The following RC3H1 variants were observed in gnomAD, a reference collection of about 807,000 sequenced individuals.
RC3H1 encodes ring finger and CCCH-type domains 1.
Under a neutral mutation model 138.2 loss-of-function variants are expected in RC3H1, and 50 were observed. The ratio of observed to expected loss-of-function variants is 0.36; its 90% CI spans 0.29 to 0.46. The LOEUF (loss-of-function observed/expected upper bound fraction) is 0.46. RC3H1 is among the 20% of genes least tolerant of loss of function. The probability of loss-of-function intolerance (pLI) is 1.00; values close to 1 mark genes in which losing one functional copy is unlikely to be tolerated. For synonymous variants in RC3H1, 462 were observed against 489.1 expected (o/e 0.94, Z 0.73); for missense variants, 1,031 against 1,388.1 (o/e 0.74, Z 4.09).
intron 1 of RC3H1, among the ~76,000 whole-genome samples, chr1:174,003,077 C>T (rs1052519270): frequency 2.0e-5 from 3 of 152,128 alleles, no homozygotes; most frequent in Non-Finnish European, 4.4e-5. Context: ...GAGTGACATA[C>T]CAATTACTGT....
rs1439549037 is a variant in RC3H1 at position 173,984,590 on chromosome 1, A to G, written c.261T>C (p.Cys87=). 2.5e-6 allele frequency: 4 copies of G among 1,613,842 alleles called. No individual in the cohort carries two copies. Among genetic ancestry groups the G allele is most frequent in the Non-Finnish European group, 3.4e-6 (4 of 1,179,898 alleles). ...AATGCTTTGTGTCTTCAACCCCACT[A>G]CACAAAGTAATAGGCTGCTGCTCAG... The part of the protein sequence containing the change: ...QVPEQQPITL[C]SGVEDTKHYE... Residue 87 remains cysteine (C), a synonymous_variant, in exon 3 of 20, where the codon TGT becomes TGC. Coordinates refer to ENST00000367696, the MANE Select transcript of RC3H1 (RefSeq NM_172071.4).
At chr1:173,970,388 C>T in intron 9 of RC3H1, 117 bp downstream of exon 9, 1 of 744,270 alleles carries the variant, frequency 1.3e-6, no homozygotes, top group South Asian at 1.6e-5. Context: ...AGCTGTGTTA[C>T]ATTCTAAAAA....
In RC3H1 at chr1:173,946,537, C is replaced by T. The variant is rs767940629; in HGVS notation, c.2900G>A (p.Arg967Gln). Reference protein sequence around the residue: ...PLPSAEREQLRLELQQLNHQI... With the variant: ...PLPSAEREQLQLELQQLNHQI... ...ATGGTTCAATTGCTGCAATTCTAGT[C>T]GTAGCTGTTCTCTCTCAGCAGATGG... is the stretch of plus-strand genomic sequence containing the variant. The change falls in exon 17 of 20, where the codon CGA (arginine) becomes CAA (glutamine). Residue 967 changes from arginine (R) to glutamine (Q), a missense_variant. By Grantham distance (43) the Arg-to-Gln change is conservative. Around this residue, in one of 7 missense-constraint regions of RC3H1, gnomAD observed 716 missense variants for 837.9 expected, o/e 0.85. Transcript: ENST00000367696. 14 of 1,613,990 alleles carry T rather than the reference C, an allele frequency of 8.7e-6. No individual in the cohort carries two copies. The Admixed American group carries it at 1.2e-4, about 13-fold the overall frequency.
chr1:173,967,629 G>A (rs562204694), intron 9 of RC3H1, among the ~76,000 whole-genome samples: 8 of 152,190 alleles, frequency 5.3e-5, no homozygotes, highest in South Asian at 2.1e-4. Context: ...TATTTCTTCC[G>A]TAAACTATGT....
chr1:174,014,000 C>T (rs1318619809), intron 1 of RC3H1, among the ~76,000 whole-genome samples: 1 of 152,174 alleles, frequency 6.6e-6, no homozygotes, highest in Admixed American at 6.5e-5. Flanking sequence ...AACCACATGA[C>T]ATTCTGGAAA....
chr1:173,967,078 T>C (rs1260090883), intron 9 of RC3H1, among the ~76,000 whole-genome samples: 1 of 152,152 alleles, frequency 6.6e-6, no homozygotes, highest in Non-Finnish European at 1.5e-5. Context: ...TCCCAGCACT[T>C]TGGGAGGCTG....
intron 1 of RC3H1, among the ~76,000 whole-genome samples, chr1:174,013,818 C>T (rs967839658): frequency 6.6e-6 from 1 of 150,844 alleles, no homozygotes; most frequent in African/African-American, 2.4e-5. Flanking sequence ...TGGCTCACGC[C>T]TATAATCCCA....
intron 1 of RC3H1, among the ~76,000 whole-genome samples, chr1:173,994,144 C>A (rs560070766): frequency 4.5e-4 from 68 of 151,652 alleles, no homozygotes; most frequent in African/African-American, 1.5e-3. Context: ...GTAATCCCAG[C>A]GCTTTGGGAG....
At position 173,970,495 on chromosome 1, in the gene RC3H1, T is replaced by C; in HGVS notation, c.1334+10A>G. On this transcript the variant is annotated intron_variant, in intron 9 of 19. Transcript: ENST00000367696. ...ACCTTATTCCAAAGTCTCCTGACTTTCACACTTACTTTTCCAGTTCCTCCT... is the reference window on the plus strand; with the variant it reads ...ACCTTATTCCAAAGTCTCCTGACTTCCACACTTACTTTTCCAGTTCCTCCT... 6.3e-7 allele frequency: 1 copy of C among 1,588,806 alleles called. No homozygotes were observed. The highest frequency in any genetic ancestry group is 1.1e-5 in the South Asian group (1 of 90,566).
chr1:174,011,352 AAAG>A (rs1161636971), intron 1 of RC3H1, among the ~76,000 whole-genome samples: 1 of 152,206 alleles, frequency 6.6e-6, no homozygotes. Flanking sequence ...AGATTCAAGC[AAAG>A]AAGATTGACA....
chr1:173,980,018 T>C (rs552616980), intron 6 of RC3H1, among the ~76,000 whole-genome samples: 1 of 150,778 alleles, frequency 6.6e-6, no homozygotes, highest in Non-Finnish European at 1.5e-5. Flanking sequence ...GCTGAGACTA[T>C]AGGCGCCTAC....
intron 7 of RC3H1, 77 bp downstream of exon 7, chr1:173,978,411 A>T: frequency 6.6e-7 from 1 of 1,504,624 alleles, no homozygotes. Flanking sequence ...TAGAGGAACA[A>T]CAAAAGATAA....
chr1:173,945,932 C>T (rs1659115927), intron 17 of RC3H1, among the ~76,000 whole-genome samples: 1 of 152,084 alleles, frequency 6.6e-6, no homozygotes, highest in African/African-American at 2.4e-5. Context: ...TGTTCTCAAA[C>T]TCCTGATCTT....
intron 17 of RC3H1, among the ~76,000 whole-genome samples, chr1:173,943,961 T>C (rs1025469992): frequency 5.9e-5 from 9 of 151,742 alleles, no homozygotes; most frequent in Non-Finnish European, 1.3e-4. Flanking sequence ...GAATTTGAGA[T>C]CCACCTGGGC....
At chr1:174,004,502 C>T (rs1379083052) in intron 1 of RC3H1, among the ~76,000 whole-genome samples, 1 of 152,006 alleles carries the variant, frequency 6.6e-6, no homozygotes, top group Non-Finnish European at 1.5e-5. Context: ...TATGTGTTCT[C>T]TAAGAGAATG....
At chr1:174,017,783 C>CCAAAA (rs1165317766) in intron 1 of RC3H1, among the ~76,000 whole-genome samples, 6 of 72,034 alleles carry the variant, frequency 8.3e-5, no homozygotes, top group African/African-American at 2.9e-4. Flanking sequence ...TTTTCTTGCT[C>CCAAAA]AAAAAAAAAA....
At position 173,970,960 on chromosome 1, in the gene RC3H1, CT is replaced by C. The variant is rs373953604; in HGVS notation, c.1222-344del. On this transcript the variant is annotated intron_variant, in intron 8 of 19. Transcript: ENST00000367696. ...TGGGGACACTATGATCTCATTTCCACTTTTTTTTTTTTTTTTTTTGAGAAGG... is the reference window on the plus strand; with the variant it reads ...TGGGGACACTATGATCTCATTTCCACTTTTTTTTTTTTTTTTTTGAGAAGG... Among the ~76,000 whole-genome samples, 437 of 132,602 alleles carry C rather than the reference CT, an allele frequency of 3.3e-3. 1 individual carries two copies. Among genetic ancestry groups the C allele is most frequent in the African/African-American group, 7.8e-3 (283 of 36,328 alleles). The allele number at this position is 132,602 out of a possible 152,430, so 87.0% of individuals were successfully genotyped here.
Position 173,983,511 on chromosome 1 carries a change from T to C in RC3H1, c.499A>G (p.Thr167Ala). The change falls in exon 4 of 20, where the codon ACA becomes GCA. Residue 167 changes from threonine (T) to alanine (A), a missense_variant. Around this residue, in one of 7 missense-constraint regions of RC3H1, gnomAD observed 53 missense variants for 137.4 expected, o/e 0.39. Coordinates refer to ENST00000367696, the MANE Select transcript of RC3H1 (RefSeq NM_172071.4). ...TTCTGGTGCTGGAGAATGAGCTCTG[T>C]AACTGTTCGTTCACCTAAAGATCGA... ...AARSLGERTV[T>A]ELILQHQNPQ... 6.2e-7 allele frequency: 1 copy of C among 1,614,214 alleles called. No homozygotes were observed. The highest frequency in any genetic ancestry group is 8.5e-7 in the Non-Finnish European group (1 of 1,180,040).
intron 1 of RC3H1, among the ~76,000 whole-genome samples, chr1:174,015,645 G>A (rs147942043): frequency 5.3e-5 from 8 of 150,818 alleles, no homozygotes; most frequent in East Asian, 3.9e-4. Flanking sequence ...GATTACAGGC[G>A]TGAGCCACTG....
Sources: allele counts gnomAD v4.1 joint callset (sites outside exome capture counted in the v4.1 genomes callset), GRCh38; gene constraint gnomAD v4.1.1; regional missense constraint gnomAD v4.1.1; transcripts MANE v1.5; gene names NCBI Gene and HGNC (gene_info 2026-07-23, HGNC 2026-07-21).